The following CSMD1 variants were observed in gnomAD, a reference collection of about 807,000 sequenced individuals.
CSMD1 encodes CUB and Sushi multiple domains 1.
A neutral mutation model predicts 417.5 loss-of-function variants in CSMD1; 213 were observed. That is an observed-to-expected ratio of 0.51 (90% CI 0.46 to 0.57). The LOEUF (loss-of-function observed/expected upper bound fraction) is 0.57, where lower values mean the gene tolerates loss of function less well. Ranked by LOEUF, CSMD1 falls within the 20% of genes least tolerant of loss-of-function variation. CSMD1 has a pLI of 0.00. For missense variants in CSMD1, 6,923 were observed against 4,529.7 expected, an observed-to-expected ratio of 1.53 and a Z score of -15.17; for synonymous variants, 2,862 against 1,736.8, an observed-to-expected ratio of 1.65 and a Z score of -16.11.
chr8:4,919,608 C>T (rs1806300561), intron 1 of CSMD1, among the ~76,000 whole-genome samples: 1 of 152,096 alleles, frequency 6.6e-6, no homozygotes, highest in Non-Finnish European at 1.5e-5. Context: ...AATGTAGTAA[C>T]AATTTGTACC....
At position 4,144,975 on chromosome 8, in the gene CSMD1, G is replaced by A. The variant is rs778974127; in HGVS notation, c.416-112876C>T. Among the ~76,000 whole-genome samples, 4 of 150,912 alleles carry A rather than the reference G, an allele frequency of 2.7e-5. 1 individual carries two copies. Among genetic ancestry groups the A allele is most frequent in the African/African-American group, 9.9e-5 (4 of 40,302 alleles). ...TAACTTGAAAACAGAAGGGAGGATA[G>A]CATTTGTTTCATAAAACGTTCTCTA... is the stretch of plus-strand genomic sequence containing the variant. On this transcript the variant is annotated intron_variant, in intron 3 of 69. Coordinates refer to ENST00000635120, the MANE Select transcript of CSMD1 (RefSeq NM_033225.6).
intron 10 of CSMD1, among the ~76,000 whole-genome samples, chr8:3,566,877 T>TGACATCTAAA (rs1799737050): frequency 6.6e-6 from 1 of 152,216 alleles, no homozygotes; most frequent in African/African-American, 2.4e-5. Flanking sequence ...TGGTGATTCC[T>TGACATCTAAA]GACATCTAAA....
intron 7 of CSMD1, among the ~76,000 whole-genome samples, chr8:3,649,779 C>G (rs1014972113): frequency 1.3e-5 from 2 of 152,086 alleles, no homozygotes; most frequent in African/African-American, 4.8e-5. Flanking sequence ...ATTAAAATCA[C>G]TAATACTAAA....
chr8:4,744,401 G>C (rs558120302), intron 1 of CSMD1, among the ~76,000 whole-genome samples: 1 of 152,192 alleles, frequency 6.6e-6, no homozygotes. Flanking sequence ...TCTCAGTTCG[G>C]TTCTAGCCTG....
intron 52 of CSMD1, among the ~76,000 whole-genome samples, chr8:3,011,119 CTG>C (rs1449925597): frequency 2.6e-5 from 4 of 152,208 alleles, no homozygotes; most frequent in Admixed American, 2.6e-4. Context: ...TTATTAACCT[CTG>C]AATGCTGCAC....
chr8:4,785,049 G>A (rs915491880), intron 1 of CSMD1, among the ~76,000 whole-genome samples: 8 of 152,138 alleles, frequency 5.3e-5, no homozygotes, highest in African/African-American at 1.9e-4. Context: ...TATTAGAAGT[G>A]GATATTTATA....
intron 7 of CSMD1, among the ~76,000 whole-genome samples, chr8:3,688,881 C>T (rs1350871892): frequency 6.6e-6 from 1 of 152,026 alleles, no homozygotes; most frequent in East Asian, 1.9e-4. Flanking sequence ...GAAATAGACT[C>T]ACTTAGATCT....
chr8:2,999,837 C>T (rs1396311442), intron 53 of CSMD1, 121 bp downstream of exon 53: 5 of 853,028 alleles, frequency 5.9e-6, no homozygotes, highest in Non-Finnish European at 8.6e-6. Flanking sequence ...ATAGGCAAAA[C>T]TGAAAGTTTG....
intron 3 of CSMD1, among the ~76,000 whole-genome samples, chr8:4,075,511 T>C (rs868015829): frequency 5.9e-5 from 9 of 152,200 alleles, no homozygotes; most frequent in African/African-American, 1.7e-4. Context: ...TTCGTGGGAA[T>C]TGATAACTAA....
At chr8:3,892,786 G>C (rs1242926183) in intron 5 of CSMD1, among the ~76,000 whole-genome samples, 1 of 145,854 alleles carries the variant, frequency 6.9e-6, no homozygotes, top group Non-Finnish European at 1.5e-5. Context: ...GGACAATTTG[G>C]ACAGTCTTCT....
At chr8:3,663,683 G>T (rs983349710) in intron 7 of CSMD1, among the ~76,000 whole-genome samples, 4 of 152,080 alleles carry the variant, frequency 2.6e-5, no homozygotes, top group African/African-American at 9.7e-5. Flanking sequence ...CCTATGAACT[G>T]GAAACCCCTT....
In CSMD1 at chr8:4,729,019, G is replaced by C. The variant is rs73659200; in HGVS notation, c.86-91461C>G. ...GGTGATATAAATCTAGAAGGCGTTA[G>C]TATACAGACGGAAAGAGATAAATTC... is the stretch of plus-strand genomic sequence containing the variant. On this transcript the variant is annotated intron_variant, in intron 1 of 69. Transcript: ENST00000635120. Among the ~76,000 whole-genome samples the C allele has an allele frequency of 7.1e-3, 1,079 of 152,252 alleles. 21 individuals are homozygous for C. Among genetic ancestry groups the C allele is most frequent in the East Asian group, 0.055 (284 of 5,162 alleles).
chr8:4,706,214 C>G (rs1022025789), intron 1 of CSMD1, among the ~76,000 whole-genome samples: 4 of 151,428 alleles, frequency 2.6e-5, no homozygotes, highest in Admixed American at 2.0e-4. Flanking sequence ...TTTCTAATAT[C>G]TGGCAATTGC....
intron 52 of CSMD1, among the ~76,000 whole-genome samples, chr8:3,005,328 G>A (rs142773154): frequency 6.6e-6 from 1 of 152,090 alleles, no homozygotes; most frequent in Non-Finnish European, 1.5e-5. Flanking sequence ...TGTGTCTGAT[G>A]AAAGCTTTGT....
intron 3 of CSMD1, among the ~76,000 whole-genome samples, chr8:4,408,698 T>G (rs1341043055): frequency 6.6e-6 from 1 of 152,136 alleles, no homozygotes; most frequent in Admixed American, 6.5e-5. Context: ...AATAAGCCCA[T>G]AGTTGACCAG....
At chr8:3,224,273 A>C (rs1348653111) in intron 27 of CSMD1, among the ~76,000 whole-genome samples, 25 of 152,216 alleles carry the variant, frequency 1.6e-4, no homozygotes, top group Admixed American at 1.4e-3. Context: ...TGGCCATGTT[A>C]ATTATTTTGC....
intron 1 of CSMD1, among the ~76,000 whole-genome samples, chr8:4,942,961 T>C (rs184191380): frequency 6.6e-5 from 10 of 152,308 alleles, no homozygotes; most frequent in Admixed American, 1.3e-4. Context: ...AGGATTGAGA[T>C]AGCTTAAGGC....
intron 24 of CSMD1, 69 bp from the exon 25 acceptor site, chr8:3,307,890 C>G: frequency 4.5e-6 from 7 of 1,549,826 alleles, no homozygotes; most frequent in South Asian, 1.2e-5. Context: ...AGCTACTTTT[C>G]AAAACCAAAG....
chr8:4,959,016 A>T (rs910638132), intron 1 of CSMD1, among the ~76,000 whole-genome samples: 36 of 152,206 alleles, frequency 2.4e-4, no homozygotes, highest in African/African-American at 8.4e-4. Context: ...TGTATGCTTT[A>T]ACTGAGATTA....
Sources: gnomAD v4.1 joint callset for allele counts (sites outside exome capture counted in the v4.1 genomes callset) on GRCh38, gnomAD v4.1.1 for gene constraint, MANE v1.5 for transcripts, NCBI Gene and HGNC (gene_info 2026-07-23, HGNC 2026-07-21) for gene names.